EYA1: variants seen among roughly 807,000 people sequenced by gnomAD.
The protein encoded by EYA1 is EYA transcriptional coactivator and phosphatase 1, also known as protein phosphatase EYA1.
Under a neutral mutation model 82.0 loss-of-function variants are expected in EYA1, and 16 were observed. That is an observed-to-expected ratio of 0.20 (90% confidence interval 0.13 to 0.30). EYA1 has a LOEUF of 0.30. EYA1 is among the 10% of genes least tolerant of loss of function. The pLI, the probability that EYA1 is intolerant of heterozygous loss-of-function variation, is 1.00. For synonymous variants in EYA1, 261 were observed against 264.4 expected (o/e 0.99, Z 0.12); for missense variants, 633 against 730.7 (o/e 0.87, Z 1.54).
At position 71,362,030 on chromosome 8, in the gene EYA1, C is replaced by A. The variant is rs1402833276; in HGVS notation, c.-438G>T. 7.1e-6 allele frequency: 7 copies of A among 985,390 alleles called. No individual in the cohort carries two copies. Among genetic ancestry groups the A allele is most frequent in the Admixed American group, 6.1e-5 (1 of 16,268 alleles). The allele number at this position is 985,390 out of a possible 1,614,324, so 61.0% of individuals were successfully genotyped here. ...TTTGGTAACAGCTTTGCGCCCAGCG[C>A]TCCTTCCCCACCAAACAGCAGCGGC... On this transcript the variant is annotated 5_prime_UTR_variant, in exon 1 of 18. Transcript: ENST00000340726.
chr8:71,205,815 A>G (rs1161627717), intron 17 of EYA1, among the ~76,000 whole-genome samples: 1 of 152,214 alleles, frequency 6.6e-6, no homozygotes, highest in African/African-American at 2.4e-5. Context: ...AGGAGATGAC[A>G]GATCTCTACA....
intron 3 of EYA1, among the ~76,000 whole-genome samples, chr8:71,338,682 A>G (rs547522309): frequency 4.1e-4 from 62 of 152,306 alleles, no homozygotes; most frequent in Admixed American, 3.3e-3. Flanking sequence ...GATTAGTTAT[A>G]TTTTTCACCA....
Position 71,257,950 on chromosome 8 carries a change from C to T in EYA1, c.1050+11790G>A, listed in dbSNP as rs561512128. On this transcript the variant is annotated intron_variant, in intron 11 of 17. Transcript: ENST00000340726. ...TTATCATCTGACATCCTATTACTGG[C>T]TATTTCTTGCTAGTTAAATGATGTA... 5.3e-5 allele frequency among the ~76,000 whole-genome samples: 8 copies of T among 151,974 alleles called. No homozygotes were observed. In the East Asian group the frequency reaches 9.7e-4, roughly 18 times the overall value.
intron 3 of EYA1, among the ~76,000 whole-genome samples, chr8:71,337,478 A>G (rs1437824794): frequency 6.6e-6 from 1 of 152,118 alleles, no homozygotes; most frequent in Non-Finnish European, 1.5e-5. Context: ...CATGCACTCC[A>G]GGCCTGAGCA....
intron 11 of EYA1, among the ~76,000 whole-genome samples, chr8:71,253,452 G>A (rs1306409951): frequency 6.6e-6 from 1 of 152,126 alleles, no homozygotes; most frequent in African/African-American, 2.4e-5. Context: ...TCTATTCTTT[G>A]GCTCTCTGAT....
chr8:71,284,263 G>C (rs1818138184), intron 9 of EYA1, among the ~76,000 whole-genome samples: 1 of 152,190 alleles, frequency 6.6e-6, no homozygotes, highest in African/African-American at 2.4e-5. Context: ...CTCCAGTAAG[G>C]GGACCTTCTT....
chr8:71,384,638 A>C (rs1227219536), intron 2 of EYA1, among the ~76,000 whole-genome samples: 1 of 152,248 alleles, frequency 6.6e-6, no homozygotes, highest in African/African-American at 2.4e-5. Context: ...TTTGCTTGAT[A>C]AGTATTTGTT....
At chr8:71,407,096 A>AC (rs544416146) in intron 2 of EYA1, among the ~76,000 whole-genome samples, 2 of 103,260 alleles carry the variant, frequency 1.9e-5, no homozygotes, top group East Asian at 2.2e-4. Context: ...ACTGGGAGGC[A>AC]CCCCCCAGCA....
intron 2 of EYA1, among the ~76,000 whole-genome samples, chr8:71,398,871 T>C (rs775885710): frequency 5.9e-5 from 9 of 152,242 alleles, no homozygotes; most frequent in East Asian, 1.9e-4. Flanking sequence ...TGCCTTTTGT[T>C]CAGCTATGCC....
chr8:71,350,060 A>G (rs1161624284), intron 3 of EYA1, among the ~76,000 whole-genome samples: 4 of 152,232 alleles, frequency 2.6e-5, no homozygotes, highest in Non-Finnish European at 1.5e-5. Context: ...CAAACTAAAA[A>G]TGTCATTTAG....
At chr8:71,229,098 G>C (rs1810902882) in intron 12 of EYA1, among the ~76,000 whole-genome samples, 1 of 151,982 alleles carries the variant, frequency 6.6e-6, no homozygotes, top group South Asian at 2.1e-4. Flanking sequence ...AGCATTCAAG[G>C]GCCTCTATAA....
intron 2 of EYA1, among the ~76,000 whole-genome samples, chr8:71,407,901 A>G (rs1010592730): frequency 5.3e-5 from 8 of 149,874 alleles, no homozygotes; most frequent in African/African-American, 1.5e-4. Flanking sequence ...GAGAAGAGCA[A>G]CTCCAAGACA....
chr8:71,320,866 A>G (rs541159389), intron 6 of EYA1, among the ~76,000 whole-genome samples: 1 of 152,104 alleles, frequency 6.6e-6, no homozygotes, highest in East Asian at 1.9e-4. Context: ...TGGTCACAAA[A>G]AATTCTGTAC....
intron 2 of EYA1, among the ~76,000 whole-genome samples, chr8:71,456,295 A>G (rs866084612): frequency 3.9e-5 from 6 of 152,166 alleles, no homozygotes; most frequent in Non-Finnish European, 7.4e-5. Flanking sequence ...ATGCTCATGG[A>G]TAGGAAGAAT....
At chr8:71,211,662 A>T (rs1355898953) in intron 16 of EYA1, among the ~76,000 whole-genome samples, 4 of 152,242 alleles carry the variant, frequency 2.6e-5, no homozygotes, top group Non-Finnish European at 4.4e-5. Context: ...GATTTTAAAA[A>T]GTTTTTTCTT....
chr8:71,357,201 C>G (rs1284277662), intron 1 of EYA1, among the ~76,000 whole-genome samples: 2 of 152,218 alleles, frequency 1.3e-5, no homozygotes, highest in Non-Finnish European at 2.9e-5. Context: ...TCAGTTCTGC[C>G]TGGTAAACCA....
chr8:71,470,936 A>T (rs933284901), intron 2 of EYA1: 4 of 295,920 alleles, frequency 1.4e-5, no homozygotes, highest in African/African-American at 2.2e-5. Flanking sequence ...AATGGGCTTT[A>T]AAAAAAAAAG....
intron 12 of EYA1, among the ~76,000 whole-genome samples, chr8:71,222,805 G>C (rs566995148): frequency 6.6e-6 from 1 of 152,290 alleles, no homozygotes; most frequent in African/African-American, 2.4e-5. Flanking sequence ...TTCTTCCCAG[G>C]CTCCTCAATT....
At chr8:71,357,181 T>A (rs552449746) in intron 1 of EYA1, among the ~76,000 whole-genome samples, 1 of 152,356 alleles carries the variant, frequency 6.6e-6, no homozygotes, top group East Asian at 1.9e-4. Context: ...TAAAATTCAA[T>A]GGGTTCTTAT....
Sources: allele counts gnomAD v4.1 joint callset (sites outside exome capture counted in the v4.1 genomes callset), GRCh38; gene constraint gnomAD v4.1.1; transcripts MANE v1.5; gene names NCBI Gene and HGNC (gene_info 2026-07-23, HGNC 2026-07-21).